The following DCC variants were observed in gnomAD, a reference collection of about 807,000 sequenced individuals.
DCC encodes the protein netrin receptor DCC.
A neutral mutation model predicts 172.5 loss-of-function variants in DCC; 58 were observed. The ratio of observed to expected loss-of-function variants is 0.34; its 90% CI spans 0.27 to 0.42. The LOEUF (loss-of-function observed/expected upper bound fraction) is 0.42. DCC is among the 10% of genes least tolerant of loss of function. The pLI is 1.00. For synonymous variants in DCC, 709 were observed against 644.5 expected (o/e 1.10, Z -1.52); for missense variants, 1,740 against 1,791.0 (o/e 0.97, Z 0.51).
chr18:52,362,792 C>T (rs543394051), intron 1 of DCC, among the ~76,000 whole-genome samples: 2 of 152,078 alleles, frequency 1.3e-5, no homozygotes, highest in African/African-American at 4.8e-5. Context: ...CCCCCCCACT[C>T]CCCTCCTCCC....
intron 2 of DCC, among the ~76,000 whole-genome samples, chr18:52,875,301 G>T (rs1180257563): frequency 6.6e-6 from 1 of 151,546 alleles, no homozygotes. Context: ...CCTCCTAAAA[G>T]ATAATTAAAA....
intron 1 of DCC, among the ~76,000 whole-genome samples, chr18:52,492,463 A>G (rs1412943258): frequency 6.6e-6 from 1 of 151,964 alleles, no homozygotes; most frequent in East Asian, 1.9e-4. Context: ...GGCCTTAAAT[A>G]GAAGCAGGGG....
chr18:53,309,669 C>T (rs1323509009), intron 13 of DCC, among the ~76,000 whole-genome samples: 2 of 152,026 alleles, frequency 1.3e-5, no homozygotes, highest in African/African-American at 4.8e-5. Context: ...GGTAACCCAT[C>T]ACCACTCTGG....
chr18:53,268,680 A>G (rs533174933), intron 12 of DCC, among the ~76,000 whole-genome samples: 3 of 152,218 alleles, frequency 2.0e-5, no homozygotes, highest in East Asian at 3.9e-4. Flanking sequence ...TAAAATGGCA[A>G]TGTTTTTATG....
chr18:53,031,411 ATAT>A (rs2042023821), intron 5 of DCC, among the ~76,000 whole-genome samples: 1 of 152,120 alleles, frequency 6.6e-6, no homozygotes, highest in Admixed American at 6.6e-5. Flanking sequence ...TCACTCTAAA[ATAT>A]TATGTGGGAA....
At chr18:52,387,067 G>A (rs183147844) in intron 1 of DCC, among the ~76,000 whole-genome samples, 79 of 152,236 alleles carry the variant, frequency 5.2e-4, no homozygotes, top group Non-Finnish European at 8.4e-4. Flanking sequence ...AAATTACACC[G>A]AATTCAGCTG....
chr18:52,352,710 C>T (rs1167316989), intron 1 of DCC, among the ~76,000 whole-genome samples: 6 of 152,124 alleles, frequency 3.9e-5, no homozygotes, highest in Admixed American at 3.9e-4. Flanking sequence ...TGTCAATGCC[C>T]AGCCCTTCTT....
chr18:53,015,497 C>T (rs2041795447), intron 5 of DCC, among the ~76,000 whole-genome samples: 1 of 152,048 alleles, frequency 6.6e-6, no homozygotes, highest in East Asian at 1.9e-4. Flanking sequence ...GCTTTAGATG[C>T]CCCTTATGTG....
intron 27 of DCC, among the ~76,000 whole-genome samples, chr18:53,505,808 G>A (rs963976721): frequency 6.6e-6 from 1 of 152,162 alleles, no homozygotes; most frequent in Non-Finnish European, 1.5e-5. Context: ...CAGAAGGAAT[G>A]GTGAAGGAAA....
intron 2 of DCC, among the ~76,000 whole-genome samples, chr18:52,791,702 A>G (rs2037775089): frequency 6.6e-6 from 1 of 152,054 alleles, no homozygotes; most frequent in Non-Finnish European, 1.5e-5. Context: ...TGACAGTTGC[A>G]TTTAAGCATC....
intron 20 of DCC, among the ~76,000 whole-genome samples, chr18:53,413,759 T>C (rs985155508): frequency 4.6e-5 from 7 of 152,154 alleles, no homozygotes; most frequent in African/African-American, 1.4e-4. Flanking sequence ...CTCACCTAAA[T>C]ATGAGATGCT....
At chr18:52,765,023 C>CTTTTT (rs963400763) in intron 2 of DCC, among the ~76,000 whole-genome samples, 1 of 142,440 alleles carries the variant, frequency 7.0e-6, no homozygotes, top group African/African-American at 3.0e-5. Flanking sequence ...ATTTTCTTTT[C>CTTTTT]TTTTTTTTCT....
intron 1 of DCC, among the ~76,000 whole-genome samples, chr18:52,342,844 GT>G (rs1983713919): frequency 6.6e-6 from 1 of 150,820 alleles, no homozygotes; most frequent in Non-Finnish European, 1.5e-5. Context: ...ATTTATGTGC[GT>G]TTTATTAATG....
At chr18:52,456,178 A>G (rs1157995194) in intron 1 of DCC, among the ~76,000 whole-genome samples, 1 of 152,124 alleles carries the variant, frequency 6.6e-6, no homozygotes, top group Non-Finnish European at 1.5e-5. Flanking sequence ...TATGAAAATA[A>G]TATTTATCTA....
At chr18:53,401,612 G>T (rs954638581) in intron 18 of DCC, among the ~76,000 whole-genome samples, 2 of 152,160 alleles carry the variant, frequency 1.3e-5, no homozygotes, top group African/African-American at 4.8e-5. Context: ...TTCAGAATTA[G>T]AGACTGATTT....
chr18:53,453,356 A>G (rs2045441263), intron 23 of DCC, among the ~76,000 whole-genome samples: 1 of 152,236 alleles, frequency 6.6e-6, no homozygotes, highest in South Asian at 2.1e-4. Context: ...GATCCCCTCC[A>G]AAGCTCTTAG....
chr18:52,653,008 C>T (rs1306846815), intron 1 of DCC, among the ~76,000 whole-genome samples: 2 of 152,130 alleles, frequency 1.3e-5, no homozygotes, highest in African/African-American at 4.8e-5. Context: ...TTCTAAAGCA[C>T]ACTTTTTTCC....
chr18:52,929,029 A>G (rs1006101888), intron 5 of DCC, among the ~76,000 whole-genome samples: 2 of 152,066 alleles, frequency 1.3e-5, no homozygotes, highest in African/African-American at 2.4e-5. Flanking sequence ...TCTGTCATGT[A>G]TCCTGATCCA....
At chr18:53,183,123 G>C (rs1442512494) in intron 9 of DCC, among the ~76,000 whole-genome samples, 2 of 151,948 alleles carry the variant, frequency 1.3e-5, no homozygotes, top group African/African-American at 4.8e-5. Flanking sequence ...CATATTATTT[G>C]AAAATATCAA....
Sources: allele counts gnomAD v4.1 joint callset (sites outside exome capture counted in the v4.1 genomes callset), GRCh38; gene constraint gnomAD v4.1.1; transcripts MANE v1.5; gene names NCBI Gene and HGNC (gene_info 2026-07-23, HGNC 2026-07-21).